The following DCDC1 variants were observed in gnomAD, a reference collection of about 807,000 sequenced individuals.
DCDC1 encodes the protein doublecortin domain containing 1.
In DCDC1, 200 loss-of-function variants were observed where a neutral mutation model predicts 178.3. The ratio of observed to expected loss-of-function variants is 1.12; its 90% CI spans 1.00 to 1.26. The LOEUF (loss-of-function observed/expected upper bound fraction) is 1.26, where lower values mean the gene tolerates loss of function less well. DCDC1 is among the 50% of genes most tolerant of loss of function. The pLI, the probability that DCDC1 is intolerant of heterozygous loss-of-function variation, is 0.00. For missense variants in DCDC1, 1,983 were observed against 1,749.2 expected, an observed-to-expected ratio of 1.13 and a Z score of -2.38; for synonymous variants, 690 against 604.8, an observed-to-expected ratio of 1.14 and a Z score of -2.07.
At chr11:30,947,171 A>G (rs1183373619) in intron 21 of DCDC1, among the ~76,000 whole-genome samples, 5 of 152,314 alleles carry the variant, frequency 3.3e-5, no homozygotes, top group African/African-American at 1.2e-4. Flanking sequence ...TCTGAAAATA[A>G]GATGCAAAAA....
At chr11:31,136,486 G>A (rs1302155063) in intron 10 of DCDC1, among the ~76,000 whole-genome samples, 1 of 151,930 alleles carries the variant, frequency 6.6e-6, no homozygotes, top group African/African-American at 2.4e-5. Flanking sequence ...AGGAAAATTT[G>A]GTGCATGCTA....
At chr11:30,947,890 C>A (rs1565111411) in intron 21 of DCDC1, among the ~76,000 whole-genome samples, 1 of 151,790 alleles carries the variant, frequency 6.6e-6, no homozygotes, top group South Asian at 2.1e-4. Context: ...AATAACCTAA[C>A]AAAAAAAGTG....
At chr11:31,024,497 AT>A (rs1953092827) in intron 20 of DCDC1, among the ~76,000 whole-genome samples, 1 of 152,012 alleles carries the variant, frequency 6.6e-6, no homozygotes, top group African/African-American at 2.4e-5. Flanking sequence ...TATATGTGAT[AT>A]TGTAAATCTT....
chr11:31,238,089 AT>A (rs1424414645), intron 9 of DCDC1, among the ~76,000 whole-genome samples: 1 of 151,922 alleles, frequency 6.6e-6, no homozygotes, highest in Non-Finnish European at 1.5e-5. Flanking sequence ...CAAAAATTGT[AT>A]TTAAAAAAAA....
intron 17 of DCDC1, among the ~76,000 whole-genome samples, chr11:31,082,284 C>T (rs1957225615): frequency 6.6e-6 from 1 of 152,060 alleles, no homozygotes; most frequent in East Asian, 1.9e-4. Context: ...CTCTAGTGGC[C>T]TTGCAATTTT....
At chr11:31,308,632 C>T (rs993826484) in intron 3 of DCDC1, among the ~76,000 whole-genome samples, 1 of 152,002 alleles carries the variant, frequency 6.6e-6, no homozygotes, top group Non-Finnish European at 1.5e-5. Flanking sequence ...GGTATTTAGG[C>T]TGGAAGAGTA....
At chr11:31,155,150 T>C (rs1396769714) in intron 9 of DCDC1, among the ~76,000 whole-genome samples, 3 of 152,238 alleles carry the variant, frequency 2.0e-5, no homozygotes, top group Non-Finnish European at 2.9e-5. Context: ...ATGGTTTGAA[T>C]CTGGATACTA....
intron 20 of DCDC1, among the ~76,000 whole-genome samples, chr11:31,017,225 T>C (rs1459743068): frequency 6.6e-6 from 1 of 152,188 alleles, no homozygotes. Flanking sequence ...TCCACTTACA[T>C]GCAGATTTTC....
At chr11:31,327,525 G>A (rs1399560631) in intron 3 of DCDC1, among the ~76,000 whole-genome samples, 1 of 152,064 alleles carries the variant, frequency 6.6e-6, no homozygotes, top group Non-Finnish European at 1.5e-5. Context: ...GCTAAGCATG[G>A]TGACTGGCAC....
At chr11:31,142,915 A>G (rs1184190356) in intron 9 of DCDC1, among the ~76,000 whole-genome samples, 1 of 152,098 alleles carries the variant, frequency 6.6e-6, no homozygotes, top group Non-Finnish European at 1.5e-5. Context: ...GTGGGCAAGG[A>G]GGGTATTGGG....
At chr11:31,154,262 C>G (rs184207063) in intron 9 of DCDC1, among the ~76,000 whole-genome samples, 46 of 152,256 alleles carry the variant, frequency 3.0e-4, no homozygotes, top group Non-Finnish European at 5.0e-4. Context: ...CATAAATTAC[C>G]CAGTGTCAGG....
At chr11:30,949,147 C>A (rs1948250363) in intron 21 of DCDC1, among the ~76,000 whole-genome samples, 1 of 152,076 alleles carries the variant, frequency 6.6e-6, no homozygotes, top group Admixed American at 6.5e-5. Flanking sequence ...AGAACTTAAA[C>A]AAATTTACAA....
chr11:31,214,039 C>A (rs1449046817), intron 9 of DCDC1, among the ~76,000 whole-genome samples: 1 of 151,842 alleles, frequency 6.6e-6, no homozygotes, highest in Non-Finnish European at 1.5e-5. Flanking sequence ...TGTAATTTTA[C>A]AAAAGATCAT....
At chr11:31,001,306 T>C (rs1392406551) in intron 20 of DCDC1, among the ~76,000 whole-genome samples, 1 of 152,164 alleles carries the variant, frequency 6.6e-6, no homozygotes, top group African/African-American at 2.4e-5. Context: ...TCCAAAGTTA[T>C]TTTGCCATGA....
chr11:31,134,719 G>C (rs921503523), intron 10 of DCDC1, among the ~76,000 whole-genome samples: 2 of 152,212 alleles, frequency 1.3e-5, no homozygotes, highest in Non-Finnish European at 2.9e-5. Flanking sequence ...ATGTGGCTGG[G>C]CATAGTAGCT....
intron 8 of DCDC1, among the ~76,000 whole-genome samples, chr11:31,257,194 A>G (rs1198203267): frequency 6.6e-6 from 1 of 152,180 alleles, no homozygotes; most frequent in East Asian, 1.9e-4. Flanking sequence ...GAAGCATTAC[A>G]TCTGCTGCCT....
At chr11:31,297,448 C>G (rs139413658) in intron 6 of DCDC1, among the ~76,000 whole-genome samples, 3,127 of 152,070 alleles carry the variant, frequency 0.021, 96 homozygotes, top group African/African-American at 0.07. Flanking sequence ...CAACCTCAAG[C>G]GATTCTCCTG....
At chr11:30,937,450 C>T (rs903273890) in intron 21 of DCDC1, among the ~76,000 whole-genome samples, 2 of 152,142 alleles carry the variant, frequency 1.3e-5, no homozygotes, top group African/African-American at 4.8e-5. Flanking sequence ...CCATCCAGGA[C>T]ATTCTCTCTA....
At chr11:30,922,020 AC>A (rs1418724278) in intron 24 of DCDC1, among the ~76,000 whole-genome samples, 2 of 152,102 alleles carry the variant, frequency 1.3e-5, no homozygotes, top group Non-Finnish European at 2.9e-5. Context: ...GAGGTAGCAC[AC>A]CCACCCAGAG....
Sources: allele counts gnomAD v4.1 joint callset (sites outside exome capture counted in the v4.1 genomes callset), GRCh38; gene constraint gnomAD v4.1.1; transcripts MANE v1.5; gene names NCBI Gene and HGNC (gene_info 2026-07-23, HGNC 2026-07-21).